Variants in TST observed in about 807,000 individuals in gnomAD.
The protein encoded by TST is thiosulfate sulfurtransferase.
TST carries 22 observed loss-of-function variants against 20.4 expected under a neutral mutation model. The observed-to-expected ratio is 1.08, with a 90% confidence interval of 0.77 to 1.54. The LOEUF (loss-of-function observed/expected upper bound fraction) is 1.54, where lower values mean the gene tolerates loss of function less well. Ranked by LOEUF, TST falls within the 40% of genes most tolerant of loss-of-function variation. TST has a pLI of 0.00. For synonymous variants in TST, 187 were observed against 173.8 expected (o/e 1.08, Z -0.60); for missense variants, 392 against 405.2 (o/e 0.97, Z 0.28).
Position 37,011,111 on chromosome 22 carries a change from G to T in TST, c.810C>A (p.Ala270=). The T allele has an allele frequency of 6.2e-7, 1 of 1,613,560 alleles. No individual in the cohort carries two copies. The change falls in exon 3 of 3, where the codon GCC becomes GCA. Residue 270 remains alanine, a synonymous_variant. Coordinates refer to ENST00000249042, the MANE Select transcript of TST (RefSeq NM_003312.6). The stretch of plus-strand genomic sequence containing the variant: ...ACTCGGACCAGGAGCCATCGTACAC[G>T]GCCACATCAGGCTTGCCGCAGAGGT... ...AAYLCGKPDV[A]VYDGSWSEWF... is the part of the protein sequence containing the mutation.
intron 2 of TST, among the ~76,000 whole-genome samples, chr22:37,012,934 C>T (rs1398645869): frequency 1.3e-5 from 2 of 151,662 alleles, no homozygotes; most frequent in Non-Finnish European, 2.9e-5. Flanking sequence ...CCCAGCTACT[C>T]GGGAGGCTGA....
rs1482995205 is a variant in TST at position 37,011,365 on chromosome 22, G to A, written c.596-40C>T. On this transcript the variant is annotated intron_variant, in intron 2 of 2. Coordinates refer to ENST00000249042, the MANE Select transcript of TST (RefSeq NM_003312.6). Reference sequence around the variant, plus strand: ...GGACACAGCTTAGGGGATGTATGAGGGGTGGGGACTAATGGGGCCTGGAGG... The same window carrying A: ...GGACACAGCTTAGGGGATGTATGAGAGGTGGGGACTAATGGGGCCTGGAGG... 4 of 1,581,276 alleles carry A rather than the reference G, an allele frequency of 2.5e-6. No homozygotes were observed. In the Admixed American group the frequency reaches 5.1e-5, roughly 20 times the overall value.
At chr22:37,013,847 T>C (rs1007104469) in intron 2 of TST, among the ~76,000 whole-genome samples, 5 of 151,826 alleles carry the variant, frequency 3.3e-5, no homozygotes, top group Non-Finnish European at 4.4e-5. Flanking sequence ...TTGAATCCTG[T>C]TTTGTTGTCC....
At chr22:37,012,899 G>A (rs1184686301) in intron 2 of TST, among the ~76,000 whole-genome samples, 2 of 152,146 alleles carry the variant, frequency 1.3e-5, no homozygotes, top group African/African-American at 4.8e-5. Flanking sequence ...AAAATTAGCC[G>A]GGTATGGTGG....
chr22:37,012,429 T>C (rs113579222), intron 2 of TST, among the ~76,000 whole-genome samples: 2,959 of 152,278 alleles, frequency 0.019, 39 homozygotes, highest in Non-Finnish European at 0.029. Context: ...CACAGGCCAA[T>C]CTCACACATG....
chr22:37,015,787 G>C (rs928945829), intron 2 of TST, among the ~76,000 whole-genome samples: 1 of 152,092 alleles, frequency 6.6e-6, no homozygotes, highest in African/African-American at 2.4e-5. Flanking sequence ...AAACTTGGCA[G>C]AGCCTCATGT....
At position 37,017,210 on chromosome 22, in the gene TST, C is replaced by T. The variant is rs1261077904; in HGVS notation, c.595+928G>A. On this transcript the variant is annotated intron_variant, in intron 2 of 2. Coordinates refer to ENST00000249042, the MANE Select transcript of TST (RefSeq NM_003312.6). Reference sequence around the variant, plus strand: ...CTGCCTCTAGAAAAGGGAAGACCTCCGAGGTTCTGTCTGGCTAGGAGGTTC... The same window carrying T: ...CTGCCTCTAGAAAAGGGAAGACCTCTGAGGTTCTGTCTGGCTAGGAGGTTC... Among the ~76,000 whole-genome samples, 3 of 152,112 alleles carry T rather than the reference C, an allele frequency of 2.0e-5. No individual in the cohort carries two copies. The East Asian group carries it at 5.8e-4, about 29-fold the overall frequency.
At chr22:37,014,533 C>T (rs1411033904) in intron 2 of TST, among the ~76,000 whole-genome samples, 1 of 152,252 alleles carries the variant, frequency 6.6e-6, no homozygotes, top group Non-Finnish European at 1.5e-5. Context: ...CGGCACCAGG[C>T]ACTTGACAGC....
intron 2 of TST, among the ~76,000 whole-genome samples, chr22:37,017,328 G>A (rs1480456189): frequency 6.6e-6 from 1 of 152,148 alleles, no homozygotes; most frequent in Non-Finnish European, 1.5e-5. Flanking sequence ...GGGAACTTCT[G>A]AGTCGCCTTC....
chr22:37,020,059 T>G, upstream of TST: 165 of 276,712 alleles, frequency 6.0e-4, no homozygotes, highest in Non-Finnish European at 6.9e-4. Context: ...GGTGGGGTCG[T>G]GGCGAGTGGC....
At chr22:37,013,974 G>A (rs1239883070) in intron 2 of TST, among the ~76,000 whole-genome samples, 2 of 152,212 alleles carry the variant, frequency 1.3e-5, no homozygotes, top group Non-Finnish European at 2.9e-5. Context: ...TGGGCCAGCT[G>A]GACGGGGTGA....
intron 2 of TST, among the ~76,000 whole-genome samples, chr22:37,015,012 G>A (rs976224174): frequency 3.3e-5 from 5 of 152,074 alleles, no homozygotes; most frequent in African/African-American, 9.7e-5. Flanking sequence ...ACAGCAGCCC[G>A]GGAGCCACAC....
Position 37,018,525 on chromosome 22 carries a change from G to C in TST, c.208C>G (p.Pro70Ala). The change falls in exon 2 of 3, where the codon CCC becomes GCC. Residue 70 changes from proline to alanine, a missense_variant. Transcript: ENST00000249042. ...DIEECRDTAS[P>A]YEMMLPSEAG... Reference sequence around the variant, plus strand: ...TCGCTGGGCAGCATCATCTCGTAGGGCGACGCCGTGTCCCGGCACTCTTCT... The same window carrying C: ...TCGCTGGGCAGCATCATCTCGTAGGCCGACGCCGTGTCCCGGCACTCTTCT... 2 of 1,590,582 alleles carry C rather than the reference G, an allele frequency of 1.3e-6. No individual in the cohort carries two copies. The highest frequency in any genetic ancestry group is 1.7e-6 in the Non-Finnish European group (2 of 1,167,940).
rs552017890 is a variant in TST, at chr22:37,018,024, C to A, written c.595+114G>T. 13 of 778,650 alleles carry A rather than the reference C, an allele frequency of 1.7e-5. No individual in the cohort carries two copies. In the East Asian group the frequency reaches 3.4e-4, roughly 20 times the overall value. The allele number at this position is 778,650 out of a possible 1,614,324, so 48.2% of individuals were successfully genotyped here. ...TTATCGATGGAAAGACTGAGGCCTA[C>A]ATGGGAGGATTGAAGGCATGGGACG... On this transcript the variant is annotated intron_variant, in intron 2 of 2. Transcript: ENST00000249042.
chr22:37,017,372 C>A (rs570579212), intron 2 of TST, among the ~76,000 whole-genome samples: 18 of 152,280 alleles, frequency 1.2e-4, no homozygotes, highest in African/African-American at 4.1e-4. Flanking sequence ...TCCCTCCTGG[C>A]CCTGGGAAGT....
intron 2 of TST, 45 bp downstream of exon 2, chr22:37,018,093 A>T (rs1922755733): frequency 2.8e-6 from 4 of 1,414,836 alleles, no homozygotes; most frequent in Non-Finnish European, 3.8e-6. Flanking sequence ...CTATCCTTCC[A>T]TGGGGCAATA....
chr22:37,015,126 G>A (rs1922630055), intron 2 of TST, among the ~76,000 whole-genome samples: 1 of 152,172 alleles, frequency 6.6e-6, no homozygotes, highest in Non-Finnish European at 1.5e-5. Flanking sequence ...CTGCCGACCT[G>A]GGGTCAAGTC....
intron 2 of TST, among the ~76,000 whole-genome samples, chr22:37,015,000 A>T (rs1039622692): frequency 2.6e-5 from 4 of 152,108 alleles, no homozygotes; most frequent in Admixed American, 6.5e-5. Context: ...TTTCAGTCCC[A>T]TACAGCAGCC....
In TST at chr22:37,011,274, A is replaced by C. The variant is rs1922469665; in HGVS notation, c.647T>G (p.Phe216Cys). The C allele has an allele frequency of 3.1e-6, 5 of 1,613,790 alleles. No homozygotes were observed. Among genetic ancestry groups the C allele is most frequent in the African/African-American group, 2.7e-5 (2 of 74,912 alleles). ...RGAVNMPFMDFLTEDGFEKGP... is the reference protein window; with the variant it reads ...RGAVNMPFMDCLTEDGFEKGP... ...CTTCTCGAAGCCATCCTCAGTCAGG[A>C]AGTCCATGAAAGGCATGTTGACGGC... Residue 216 changes from phenylalanine (F) to cysteine (C), a missense_variant, in exon 3 of 3, where the codon TTC becomes TGC. Coordinates refer to ENST00000249042, the MANE Select transcript of TST (RefSeq NM_003312.6).
Sources: gnomAD v4.1 joint callset for allele counts (sites outside exome capture counted in the v4.1 genomes callset) on GRCh38, gnomAD v4.1.1 for gene constraint, MANE v1.5 for transcripts, NCBI Gene and HGNC (gene_info 2026-07-23, HGNC 2026-07-21) for gene names.